ANO7: variants seen among roughly 807,000 people sequenced by gnomAD.
ANO7 encodes anoctamin 7.
ANO7 carries 114 observed loss-of-function variants against 115.8 expected under a neutral mutation model. That is an observed-to-expected ratio of 0.98 (90% CI 0.85 to 1.15). The LOEUF (loss-of-function observed/expected upper bound fraction) is 1.15, where lower values mean the gene tolerates loss of function less well. ANO7 is among the 50% of genes most tolerant of loss of function. ANO7 has a pLI of 0.00. For synonymous variants in ANO7, 550 were observed against 498.2 expected (o/e 1.10, Z -1.38); for missense variants, 1,302 against 1,201.2 (o/e 1.08, Z -1.24).
chr2:241,214,532 T>C (rs978116763), intron 17 of ANO7, among the ~76,000 whole-genome samples: 1 of 152,156 alleles, frequency 6.6e-6, no homozygotes, highest in Admixed American at 6.5e-5. Context: ...ATGTAACCCC[T>C]TGTGGGTCTC....
At chr2:241,233,494 C>T in the ANO7 span, among the ~76,000 whole-genome samples, 1 of 152,136 alleles carries the variant, frequency 6.6e-6, no homozygotes, top group Non-Finnish European at 1.5e-5. This position sits in a 1 kb window ranked among gnomAD's most constrained non-coding sequence, Gnocchi z 4.3. Flanking sequence ...TTGGGAGCCT[C>T]AGAGAGGCCC....
chr2:241,227,494 G>A (rs997633153), downstream of ANO7: 1 of 152,586 alleles, frequency 6.6e-6, no homozygotes, highest in African/African-American at 2.4e-5. Flanking sequence ...TCTCTGCCCA[G>A]GGCTGTCCTG....
intron 6 of ANO7, among the ~76,000 whole-genome samples, 179 bp downstream of exon 6, chr2:241,200,404 C>T (rs1337165593): frequency 6.6e-6 from 1 of 152,264 alleles, no homozygotes; most frequent in East Asian, 1.9e-4. Context: ...GCTGCGTCAG[C>T]CGGGCTGGGG....
At chr2:241,235,358 G>C in the ANO7 span, 2 of 1,541,566 alleles carry the variant, frequency 1.3e-6, no homozygotes, top group African/African-American at 1.4e-5. Context: ...GCCACCCGCC[G>C]TGAAGGGAAG....
At chr2:241,233,733 T>A in the ANO7 span, 2 of 1,492,236 alleles carry the variant, frequency 1.3e-6, no homozygotes. The surrounding 1 kb of genome is among the most constrained non-coding windows in gnomAD (Gnocchi z 4.3). Context: ...CGAACCCCCA[T>A]CTAGGCACAT....
At position 241,209,336 on chromosome 2, in the gene ANO7, G is replaced by A. The variant is rs1372622516; in HGVS notation, c.1129G>A (p.Ala377Thr). 2 of 1,575,838 alleles carry A rather than the reference G, an allele frequency of 1.3e-6. No homozygotes were observed. Residue 377 changes from alanine to threonine, a missense_variant, in exon 12 of 25, where the codon GCA becomes ACA. By Grantham distance (58) the Ala-to-Thr change is moderately conservative. Coordinates refer to ENST00000674324, the MANE Select transcript of ANO7 (RefSeq NM_001370694.2). ...GGTVFFSLFMALWAVLLLEYW... is the reference protein window; with the variant it reads ...GGTVFFSLFMTLWAVLLLEYW... ...CACCGTGTTCTTCAGCTTGTTCATG[G>A]CACTGTGGGCCGTGCTGCTGCTGGA...
the ANO7 span, among the ~76,000 whole-genome samples, chr2:241,234,606 C>T: frequency 2.0e-5 from 3 of 152,268 alleles, no homozygotes; most frequent in Admixed American, 2.0e-4. Context: ...CAGCACTCTG[C>T]TCACACAATC....
At chr2:241,219,682 C>T (rs2068961499) in intron 21 of ANO7, among the ~76,000 whole-genome samples, 2 of 151,348 alleles carry the variant, frequency 1.3e-5, no homozygotes, top group African/African-American at 4.9e-5. Flanking sequence ...ATCCTCCCAC[C>T]TCAGCTTCCC....
the ANO7 span, chr2:241,236,871 G>T: frequency 7.8e-7 from 1 of 1,284,696 alleles, no homozygotes; most frequent in Non-Finnish European, 1.1e-6. Flanking sequence ...GGTGCTGGGT[G>T]GTAAAAGGGA....
intron 18 of ANO7, 142 bp downstream of exon 18, chr2:241,215,044 T>TG (rs2068799710): frequency 2.6e-6 from 2 of 777,886 alleles, no homozygotes; most frequent in Admixed American, 2.9e-5. Context: ...AGGGGGAGTG[T>TG]GCCCGGCCGT....
chr2:241,224,301 C>G lies in ANO7; in HGVS notation c.*148C>G, dbSNP rs1043040615. ...CTCTGGGCACATTGCCTGCTTCCCC[C>G]CAGCGCCGGCTTCTCTCCTCAGAGC... is the stretch of plus-strand genomic sequence containing the variant. On this transcript the variant is annotated 3_prime_UTR_variant, in exon 25 of 25. Transcript: ENST00000674324. The G allele has an allele frequency of 4.6e-6, 4 of 867,234 alleles. No homozygotes were observed. Among genetic ancestry groups the G allele is most frequent in the African/African-American group, 3.4e-5 (2 of 59,158 alleles). 53.7% of individuals were successfully genotyped at this position (867,234 alleles called of 1,614,324 possible).
At chr2:241,233,724 G>T in the ANO7 span, 1 of 1,411,546 alleles carries the variant, frequency 7.1e-7, no homozygotes, top group Non-Finnish European at 9.8e-7. The surrounding 1 kb of genome is among the most constrained non-coding windows in gnomAD (Gnocchi z 4.3). Context: ...CTTGGCCCTC[G>T]AACCCCCATC....
At chr2:241,232,269 CAA>C in the ANO7 span, among the ~76,000 whole-genome samples, 1 of 148,398 alleles carries the variant, frequency 6.7e-6, no homozygotes, top group Non-Finnish European at 1.5e-5. Flanking sequence ...AATTGCTAAA[CAA>C]TGACTTTTTT....
At chr2:241,234,012 C>CTG in the ANO7 span, 6 of 1,605,206 alleles carry the variant, frequency 3.7e-6, no homozygotes, top group South Asian at 6.6e-5. Flanking sequence ...CTGATCCACC[C>CTG]TGTGACTCCA....
chr2:241,206,707 C>T (rs2068599804), intron 10 of ANO7, among the ~76,000 whole-genome samples: 1 of 33,084 alleles, frequency 3.0e-5, no homozygotes. Flanking sequence ...CAGGCTGACA[C>T]AGGTGGACAG....
intron 7 of ANO7, 70 bp from the exon 8 acceptor site, chr2:241,202,124 G>T: frequency 7.3e-7 from 1 of 1,361,366 alleles, no homozygotes; most frequent in South Asian, 1.2e-5. Flanking sequence ...CTAAAGACAG[G>T]CTAGCTAGGA....
At chr2:241,240,297 T>A in the ANO7 span, 2 of 653,342 alleles carry the variant, frequency 3.1e-6, no homozygotes, top group Non-Finnish European at 5.6e-6. The surrounding 1 kb of genome is among the most constrained non-coding windows in gnomAD (Gnocchi z 5.5). Context: ...AATAAACAGA[T>A]GAATACCCAG....
At chr2:241,197,434 G>A (rs188368226) in intron 4 of ANO7, among the ~76,000 whole-genome samples, 185 of 152,200 alleles carry the variant, frequency 1.2e-3, no homozygotes, top group African/African-American at 4.3e-3. Flanking sequence ...TGCCCTGGCC[G>A]GAGTGCAGTG....
In ANO7 at chr2:241,195,724, A is replaced by G; in HGVS notation, c.188A>G (p.Glu63Gly). 1 of 1,614,174 alleles carries G rather than the reference A, an allele frequency of 6.2e-7. No homozygotes were observed. Among genetic ancestry groups the G allele is most frequent in the Non-Finnish European group, 8.5e-7 (1 of 1,180,032 alleles). ...CCAGCAGACTTCGTCCTCGTTTGGG[A>G]GGAGGACCTGAAGCTAGACAGGCAG... ...PRIADFVLVWEEDLKLDRQQD... is the reference protein window; with the variant it reads ...PRIADFVLVWGEDLKLDRQQD... Residue 63 changes from glutamate to glycine, a missense_variant, in exon 4 of 25, where the codon GAG (glutamate) becomes GGG (glycine). Coordinates refer to ENST00000674324, the MANE Select transcript of ANO7 (RefSeq NM_001370694.2).
Sources: allele counts gnomAD v4.1 joint callset (sites outside exome capture counted in the v4.1 genomes callset), GRCh38; gene constraint gnomAD v4.1.1; non-coding constraint Gnocchi (gnomAD v3.1); transcripts MANE v1.5; gene names NCBI Gene and HGNC (gene_info 2026-07-23, HGNC 2026-07-21).